Variants in TRDN observed in about 807,000 individuals in gnomAD.
TRDN encodes the protein triadin.
Under a neutral mutation model 149.7 loss-of-function variants are expected in TRDN, and 161 were observed. The observed-to-expected ratio is 1.08, with a 90% CI of 0.95 to 1.23. TRDN has a LOEUF of 1.23. Among genes scored for constraint, TRDN ranks in the 50% most tolerant of loss-of-function variants. The probability of loss-of-function intolerance (pLI) is 0.00; values close to 1 mark genes in which losing one functional copy is unlikely to be tolerated. For synonymous variants in TRDN, 294 were observed against 250.5 expected (o/e 1.17, Z -1.64); for missense variants, 896 against 823.5 (o/e 1.09, Z -1.08).
intron 24 of TRDN, among the ~76,000 whole-genome samples, chr6:123,309,587 TTATAG>T (rs1427139962): frequency 6.6e-6 from 1 of 151,942 alleles, no homozygotes; most frequent in Non-Finnish European, 1.5e-5. Flanking sequence ...CCATCATACT[TTATAG>T]TAATTTCCTT....
At chr6:123,500,998 C>T (rs1778673177) in intron 8 of TRDN, among the ~76,000 whole-genome samples, 1 of 151,992 alleles carries the variant, frequency 6.6e-6, no homozygotes. Context: ...TCTGACTATG[C>T]CAACTCTTCC....
intron 12 of TRDN, among the ~76,000 whole-genome samples, chr6:123,397,159 G>A (rs769992270): frequency 1.8e-4 from 27 of 152,198 alleles, no homozygotes; most frequent in Non-Finnish European, 1.8e-4. Flanking sequence ...TGAATAACAT[G>A]TAAGTCTCTT....
At chr6:123,570,478 A>G (rs1226983089) in intron 2 of TRDN, among the ~76,000 whole-genome samples, 1 of 152,236 alleles carries the variant, frequency 6.6e-6, no homozygotes, top group Non-Finnish European at 1.5e-5. Context: ...AAGGACACTT[A>G]GGACCAGATG....
intron 2 of TRDN, among the ~76,000 whole-genome samples, chr6:123,570,010 G>C (rs1782481219): frequency 6.6e-6 from 1 of 152,098 alleles, no homozygotes; most frequent in Admixed American, 6.6e-5. Context: ...GCCATCTCCT[G>C]ACACAAAGAA....
intron 38 of TRDN, among the ~76,000 whole-genome samples, chr6:123,224,490 T>A (rs58783996): frequency 0.053 from 8,076 of 151,692 alleles, 636 homozygotes; most frequent in African/African-American, 0.19. Flanking sequence ...AGGTAAATGG[T>A]TTCACGCATA....
rs139285496 is a variant in TRDN, at chr6:123,409,319, A to G, written c.1052-15642T>C. ...CCCACAAAATGGGTAGTAGTCAGCA[A>G]CACAGCTTTCACAGATTCTCAAAAG... On this transcript the variant is annotated intron_variant, in intron 12 of 40. Coordinates refer to ENST00000334268, the MANE Select transcript of TRDN (RefSeq NM_006073.4). 2.2e-4 allele frequency among the ~76,000 whole-genome samples: 34 copies of G among 152,344 alleles called. No individual in the cohort carries two copies. The East Asian group carries it at 6.6e-3, about 29-fold the overall frequency.
At chr6:123,228,348 C>T (rs555452992) in intron 38 of TRDN, among the ~76,000 whole-genome samples, 2 of 151,826 alleles carry the variant, frequency 1.3e-5, no homozygotes, top group Non-Finnish European at 2.9e-5. Context: ...TTCATACTGC[C>T]ATAAAGAACT....
chr6:123,438,891 T>G (rs1005030746), intron 11 of TRDN, 53 bp downstream of exon 11: 114 of 1,366,384 alleles, frequency 8.3e-5, no homozygotes, highest in Non-Finnish European at 1.1e-4. Flanking sequence ...ACCAGTAGTA[T>G]TATGCATGGA....
chr6:123,489,228 A>G (rs1020649161), intron 9 of TRDN, among the ~76,000 whole-genome samples: 13 of 152,184 alleles, frequency 8.5e-5, no homozygotes, highest in African/African-American at 3.1e-4. Flanking sequence ...GAGAAAGCAA[A>G]AAAGGGATTT....
chr6:123,337,688 G>C lies in TRDN; in HGVS notation c.1370-19C>G. The C allele has an allele frequency of 7.0e-7, 1 of 1,423,326 alleles. No homozygotes were observed. Among genetic ancestry groups the C allele is most frequent in the Non-Finnish European group, 9.4e-7 (1 of 1,061,234 alleles). The allele number at this position is 1,423,326 out of a possible 1,614,324, so 88.2% of individuals were successfully genotyped here. ...CTAATTTCTGCAAGAGAGATCATGGGAAGAAAAAGTTACAAGGAATAAGAG... is the reference window on the plus strand; with the variant it reads ...CTAATTTCTGCAAGAGAGATCATGGCAAGAAAAAGTTACAAGGAATAAGAG... On this transcript the variant is annotated intron_variant, in intron 21 of 40. Transcript: ENST00000334268.
chr6:123,499,943 T>C (rs895109347), intron 8 of TRDN, among the ~76,000 whole-genome samples: 1 of 151,428 alleles, frequency 6.6e-6, no homozygotes, highest in Non-Finnish European at 1.5e-5. Flanking sequence ...CCCTTTTATA[T>C]AAAAGACTTG....
intron 37 of TRDN, among the ~76,000 whole-genome samples, chr6:123,252,650 A>T (rs575593726): frequency 1.3e-5 from 2 of 152,174 alleles, no homozygotes; most frequent in South Asian, 4.1e-4. Flanking sequence ...ATGGGGTCTC[A>T]GTTGCCCAAG....
intron 24 of TRDN, among the ~76,000 whole-genome samples, chr6:123,311,586 CA>C (rs1257356587): frequency 3.9e-5 from 6 of 151,944 alleles, no homozygotes; most frequent in Non-Finnish European, 8.8e-5. Flanking sequence ...TACTTGCCCC[CA>C]AACAAAATGT....
At chr6:123,344,965 G>A (rs924379791) in intron 21 of TRDN, among the ~76,000 whole-genome samples, 3 of 152,002 alleles carry the variant, frequency 2.0e-5, no homozygotes, top group African/African-American at 7.2e-5. Flanking sequence ...TAATAGGTGT[G>A]TAGTGGTATC....
intron 13 of TRDN, among the ~76,000 whole-genome samples, chr6:123,392,015 T>A (rs191325710): frequency 1.3e-5 from 2 of 152,218 alleles, no homozygotes; most frequent in Non-Finnish European, 2.9e-5. Flanking sequence ...CTTTGATGTG[T>A]CCCTGCATTG....
At chr6:123,423,375 T>A (rs1231456275) in intron 12 of TRDN, among the ~76,000 whole-genome samples, 1 of 152,144 alleles carries the variant, frequency 6.6e-6, no homozygotes, top group East Asian at 1.9e-4. Flanking sequence ...TAAATACATA[T>A]TTATTCACTC....
intron 1 of TRDN, among the ~76,000 whole-genome samples, chr6:123,600,952 TATC>T (rs1784249030): frequency 6.6e-6 from 1 of 152,124 alleles, no homozygotes; most frequent in African/African-American, 2.4e-5. Context: ...TATATGTACT[TATC>T]AGTTAAATAC....
chr6:123,307,824 C>A (rs1289809807), intron 24 of TRDN, among the ~76,000 whole-genome samples: 1 of 151,772 alleles, frequency 6.6e-6, no homozygotes, highest in Non-Finnish European at 1.5e-5. Context: ...GTTCTCGGTT[C>A]TTTTCTTTTT....
chr6:123,554,419 C>A (rs550967067), intron 2 of TRDN, among the ~76,000 whole-genome samples: 1 of 151,978 alleles, frequency 6.6e-6, no homozygotes, highest in Non-Finnish European at 1.5e-5. Context: ...TTTCAAAATA[C>A]ATAGAGATAA....
Sources: gnomAD v4.1 joint callset for allele counts (sites outside exome capture counted in the v4.1 genomes callset) on GRCh38, gnomAD v4.1.1 for gene constraint, MANE v1.5 for transcripts, NCBI Gene and HGNC (gene_info 2026-07-23, HGNC 2026-07-21) for gene names.